The following BRD10 variants were observed in gnomAD, a reference collection of about 807,000 sequenced individuals.
The protein encoded by BRD10 is bromodomain containing 10.
At chr9:5,924,986 A>G in the BRD10 span, 4 of 586,076 alleles carry the variant, frequency 6.8e-6, no homozygotes, top group East Asian at 6.3e-5. Flanking sequence ...AGTGTGTCTA[A>G]GATGCTTAGT....
the BRD10 span, chr9:5,908,499 C>A: frequency 1.4e-6 from 1 of 734,562 alleles, no homozygotes; most frequent in Non-Finnish European, 2.3e-6. Context: ...AATTACTTCA[C>A]TGGGCAGAAA....
the BRD10 span, among the ~76,000 whole-genome samples, chr9:5,966,454 CCTT>C: frequency 2.4e-5 from 1 of 41,974 alleles, no homozygotes; most frequent in Admixed American, 3.7e-4. Flanking sequence ...ACTAACATTT[CCTT>C]TTTTTTTTTT....
At chr9:5,932,347 GA>G in the BRD10 span, among the ~76,000 whole-genome samples, 2 of 151,804 alleles carry the variant, frequency 1.3e-5, no homozygotes, top group African/African-American at 4.8e-5. Context: ...TTTTCTAGAA[GA>G]AAATGGTCTA....
chr9:5,922,764 G>T, the BRD10 span: 2 of 1,613,980 alleles, frequency 1.2e-6, no homozygotes, highest in East Asian at 4.5e-5. Context: ...CTATTTTGAA[G>T]ATCTATTGGC....
At chr9:6,002,177 C>T in the BRD10 span, among the ~76,000 whole-genome samples, 169 of 152,314 alleles carry the variant, frequency 1.1e-3, 1 homozygote, top group African/African-American at 4.0e-3. Flanking sequence ...TCTTTTAAAC[C>T]TGTTGGGGGT....
At chr9:5,924,702 G>C in the BRD10 span, 1 of 1,557,024 alleles carries the variant, frequency 6.4e-7, no homozygotes, top group Non-Finnish European at 8.7e-7. Context: ...AGGTTCTGTT[G>C]AGTCTATAGA....
At chr9:5,907,121 A>T in the BRD10 span, 1 of 526,764 alleles carries the variant, frequency 1.9e-6, no homozygotes. Context: ...TGAACTATAT[A>T]CACCTAAAAA....
At chr9:5,968,100 C>A in the BRD10 span, 1 of 1,568,206 alleles carries the variant, frequency 6.4e-7, no homozygotes, top group Non-Finnish European at 8.7e-7. Context: ...GACTTGAATG[C>A]AAGAGAATGA....
the BRD10 span, among the ~76,000 whole-genome samples, chr9:5,992,307 C>T: frequency 6.6e-6 from 1 of 152,092 alleles, no homozygotes; most frequent in African/African-American, 2.4e-5. Context: ...AGAACACAAG[C>T]CAAGTTATTT....
the BRD10 span, among the ~76,000 whole-genome samples, chr9:5,893,058 G>T: frequency 1.3e-5 from 2 of 152,136 alleles, no homozygotes; most frequent in Admixed American, 1.3e-4. Context: ...AAGACATTGG[G>T]TTTTATGAGT....
At chr9:5,947,913 G>T in the BRD10 span, among the ~76,000 whole-genome samples, 1 of 152,062 alleles carries the variant, frequency 6.6e-6, no homozygotes, top group Non-Finnish European at 1.5e-5. Flanking sequence ...TTTGAAAAAC[G>T]TATCTGAGGC....
chr9:5,915,835 C>T, the BRD10 span, among the ~76,000 whole-genome samples: 29,552 of 152,090 alleles, frequency 0.19, 2,980 homozygotes, highest in Middle Eastern at 0.29. Flanking sequence ...TCAAGAAGTG[C>T]GTAGAATACA....
chr9:5,891,694 A>AC, the BRD10 span, among the ~76,000 whole-genome samples: 2 of 152,104 alleles, frequency 1.3e-5, no homozygotes, highest in Non-Finnish European at 2.9e-5. Flanking sequence ...TTTGTTGTTC[A>AC]TTTGTATGTG....
chr9:5,905,507 T>A, the BRD10 span, among the ~76,000 whole-genome samples: 970 of 151,944 alleles, frequency 6.4e-3, 3 homozygotes, highest in Non-Finnish European at 9.1e-3. Flanking sequence ...CATAAAAAAA[T>A]TTTTTTTTAA....
At chr9:5,917,874 G>T in the BRD10 span, among the ~76,000 whole-genome samples, 6 of 152,110 alleles carry the variant, frequency 3.9e-5, no homozygotes, top group Non-Finnish European at 7.3e-5. Context: ...GAGATTTAGT[G>T]GTTAGTTTAG....
chr9:5,931,191 C>T, the BRD10 span, among the ~76,000 whole-genome samples: 1 of 152,078 alleles, frequency 6.6e-6, no homozygotes, highest in Non-Finnish European at 1.5e-5. Context: ...ATGACTGCTG[C>T]CTGGATTAGC....
At chr9:5,970,081 G>A in the BRD10 span, among the ~76,000 whole-genome samples, 3 of 152,106 alleles carry the variant, frequency 2.0e-5, no homozygotes, top group African/African-American at 4.8e-5. Flanking sequence ...CATAAAAGCT[G>A]TAAGATATTT....
At chr9:5,940,422 C>A in the BRD10 span, among the ~76,000 whole-genome samples, 1 of 151,790 alleles carries the variant, frequency 6.6e-6, no homozygotes, top group African/African-American at 2.4e-5. Flanking sequence ...CTCGAACTCC[C>A]AACCTTGTGA....
the BRD10 span, among the ~76,000 whole-genome samples, chr9:5,896,868 G>A: frequency 6.6e-6 from 1 of 152,258 alleles, no homozygotes; most frequent in African/African-American, 2.4e-5. Flanking sequence ...TAATGCCACA[G>A]CTTTGCTGTA....
Sources: gnomAD v4.1 joint callset for allele counts (sites outside exome capture counted in the v4.1 genomes callset) on GRCh38, gnomAD v4.1.1 for gene constraint, MANE v1.5 for transcripts, NCBI Gene and HGNC (gene_info 2026-07-23, HGNC 2026-07-21) for gene names.